Variants in GULP1 observed in about 807,000 individuals in gnomAD.
GULP1 encodes GULP PTB domain containing engulfment adaptor 1, also known as PTB domain-containing engulfment adapter protein 1.
GULP1 carries 19 observed loss-of-function variants against 40.9 expected under a neutral mutation model. The observed-to-expected ratio is 0.46, with a 90% confidence interval of 0.32 to 0.68. The LOEUF is 0.68. Ranked by LOEUF, GULP1 falls within the 30% of genes least tolerant of loss-of-function variation. The pLI is 0.03. For synonymous variants in GULP1, 119 were observed against 117.6 expected (o/e 1.01, Z -0.08); for missense variants, 312 against 362.2 (o/e 0.86, Z 1.12).
intron 2 of GULP1, among the ~76,000 whole-genome samples, chr2:188,433,961 G>A (rs988896663): frequency 2.0e-5 from 3 of 151,020 alleles, no homozygotes; most frequent in Non-Finnish European, 4.4e-5. Context: ...GGTAAACAAT[G>A]GGGTCTGAGA....
chr2:188,310,686 A>G (rs1007317258), intron 1 of GULP1, among the ~76,000 whole-genome samples: 1 of 152,182 alleles, frequency 6.6e-6, no homozygotes, highest in African/African-American at 2.4e-5. Flanking sequence ...TGGATTTGAG[A>G]GTCCTCAGCC....
chr2:188,339,175 C>CAGT (rs2042659705), intron 1 of GULP1, among the ~76,000 whole-genome samples: 1 of 152,110 alleles, frequency 6.6e-6, no homozygotes, highest in Non-Finnish European at 1.5e-5. Flanking sequence ...TCTATGATAC[C>CAGT]AGTATACACA....
intron 1 of GULP1, among the ~76,000 whole-genome samples, chr2:188,326,088 A>C (rs1045678667): frequency 1.3e-5 from 2 of 152,110 alleles, no homozygotes; most frequent in Non-Finnish European, 2.9e-5. Context: ...TTAAATGATG[A>C]TTAACCCTAC....
chr2:188,294,613 C>T (rs563344039), intron 1 of GULP1, among the ~76,000 whole-genome samples: 2 of 151,988 alleles, frequency 1.3e-5, no homozygotes, highest in East Asian at 1.9e-4. Context: ...AACAAACAAA[C>T]TAATGTGGTT....
chr2:188,400,957 G>C (rs1182863918), intron 2 of GULP1, among the ~76,000 whole-genome samples: 1 of 148,184 alleles, frequency 6.7e-6, no homozygotes, highest in Non-Finnish European at 1.5e-5. Context: ...GTGTGTGTGT[G>C]TGTGTGTGTA....
intron 1 of GULP1, among the ~76,000 whole-genome samples, chr2:188,327,619 A>C (rs1044096380): frequency 1.3e-5 from 2 of 152,112 alleles, no homozygotes; most frequent in Non-Finnish European, 2.9e-5. Flanking sequence ...ATTTGCAATT[A>C]AGATGATTTA....
intron 4 of GULP1, among the ~76,000 whole-genome samples, chr2:188,519,950 C>T (rs1407356083): frequency 6.6e-6 from 1 of 152,120 alleles, no homozygotes; most frequent in Non-Finnish European, 1.5e-5. Flanking sequence ...ATATCGTAAC[C>T]ACTGCACCTG....
intron 1 of GULP1, among the ~76,000 whole-genome samples, chr2:188,338,264 T>G (rs2042527895): frequency 1.3e-5 from 2 of 151,738 alleles, no homozygotes; most frequent in Non-Finnish European, 2.9e-5. Flanking sequence ...AATATATTTG[T>G]TTTTGGGGAA....
At chr2:188,366,543 T>G (rs1370628968) in intron 1 of GULP1, among the ~76,000 whole-genome samples, 1 of 151,758 alleles carries the variant, frequency 6.6e-6, no homozygotes, top group Non-Finnish European at 1.5e-5. Context: ...TACAATTACA[T>G]GGGCTTTTTG....
At chr2:188,502,447 CTAAAG>C (rs1312841136) in intron 4 of GULP1, among the ~76,000 whole-genome samples, 1 of 151,830 alleles carries the variant, frequency 6.6e-6, no homozygotes, top group Non-Finnish European at 1.5e-5. Flanking sequence ...CATTTTCCCT[CTAAAG>C]TAATGTCTAT....
chr2:188,381,855 A>G (rs951116469), intron 1 of GULP1, among the ~76,000 whole-genome samples: 6 of 152,168 alleles, frequency 3.9e-5, no homozygotes, highest in African/African-American at 1.4e-4. Context: ...GAAGTATGTG[A>G]TGATACAACC....
chr2:188,474,565 A>G (rs1450632551), intron 2 of GULP1, among the ~76,000 whole-genome samples: 1 of 152,154 alleles, frequency 6.6e-6, no homozygotes, highest in Non-Finnish European at 1.5e-5. Context: ...TCCCTTCCCC[A>G]GCACTCAGAA....
chr2:188,315,600 G>T (rs1442783909), intron 1 of GULP1, among the ~76,000 whole-genome samples: 1 of 152,006 alleles, frequency 6.6e-6, no homozygotes, highest in East Asian at 1.9e-4. Flanking sequence ...AAGGTTTCTT[G>T]GATTAATGAA....
At chr2:188,488,429 AT>A (rs1222142674) in intron 4 of GULP1, among the ~76,000 whole-genome samples, 2 of 152,042 alleles carry the variant, frequency 1.3e-5, no homozygotes, top group African/African-American at 2.4e-5. Flanking sequence ...GAGTTAATAT[AT>A]TTTTTTAAAA....
intron 7 of GULP1, among the ~76,000 whole-genome samples, chr2:188,558,287 A>C (rs1695336036): frequency 6.6e-6 from 1 of 152,096 alleles, no homozygotes; most frequent in African/African-American, 2.4e-5. Context: ...CCCCCATACT[A>C]TTCTCATGGT....
chr2:188,300,556 A>G (rs1033083571), intron 1 of GULP1, among the ~76,000 whole-genome samples: 1 of 152,194 alleles, frequency 6.6e-6, no homozygotes, highest in African/African-American at 2.4e-5. Flanking sequence ...TTACTATCTT[A>G]TGAAGGGGAC....
chr2:188,316,578 C>T (rs1202705098), intron 1 of GULP1, among the ~76,000 whole-genome samples: 1 of 152,078 alleles, frequency 6.6e-6, no homozygotes, highest in African/African-American at 2.4e-5. Flanking sequence ...ACTGCTCCTC[C>T]CCAGCTGTCC....
At chr2:188,589,762 AT>A in intron 11 of GULP1, 2 of 1,330,490 alleles carry the variant, frequency 1.5e-6, no homozygotes, top group Non-Finnish European at 2.0e-6. Context: ...TTGGTATATT[AT>A]TTTTATAATA....
intron 2 of GULP1, among the ~76,000 whole-genome samples, chr2:188,444,767 A>T (rs1008983418): frequency 1.3e-5 from 2 of 152,166 alleles, no homozygotes; most frequent in Non-Finnish European, 2.9e-5. Context: ...TGAAATTCTG[A>T]TATTGTGCAT....
Sources: allele counts gnomAD v4.1 joint callset (sites outside exome capture counted in the v4.1 genomes callset), GRCh38; gene constraint gnomAD v4.1.1; transcripts MANE v1.5; gene names NCBI Gene and HGNC (gene_info 2026-07-23, HGNC 2026-07-21).